SEMA6D: variants seen among roughly 807,000 people sequenced by gnomAD.
The protein encoded by SEMA6D is semaphorin-6D.
In SEMA6D, 35 loss-of-function variants were observed where a neutral mutation model predicts 106.6. That is an observed-to-expected ratio of 0.33 (90% CI 0.25 to 0.44). SEMA6D has a LOEUF of 0.44. Ranked by LOEUF, SEMA6D falls within the 20% of genes least tolerant of loss-of-function variation. The pLI, the probability that SEMA6D is intolerant of heterozygous loss-of-function variation, is 1.00. For missense variants in SEMA6D, 1,185 were observed against 1,345.9 expected, an observed-to-expected ratio of 0.88 and a Z score of 1.87; for synonymous variants, 499 against 487.7, an observed-to-expected ratio of 1.02 and a Z score of -0.31.
chr15:47,410,990 A>T (rs2040775073), intron 1 of SEMA6D, among the ~76,000 whole-genome samples: 1 of 151,916 alleles, frequency 6.6e-6, no homozygotes, highest in Admixed American at 6.6e-5. Context: ...ATACAAGGAG[A>T]TGAGTGGCTG....
intron 3 of SEMA6D, among the ~76,000 whole-genome samples, chr15:47,537,836 T>C (rs1566868459): frequency 6.6e-6 from 1 of 152,182 alleles, no homozygotes; most frequent in Non-Finnish European, 1.5e-5. Context: ...GGAATGGGAA[T>C]GCTGGGCTAG....
chr15:47,563,357 TA>T (rs1231076859), intron 3 of SEMA6D, among the ~76,000 whole-genome samples: 50 of 152,346 alleles, frequency 3.3e-4, no homozygotes, highest in Middle Eastern at 3.4e-3. Flanking sequence ...TTTGAAGAGT[TA>T]GGGGTATAAA....
chr15:47,766,940 C>A, intron 16 of SEMA6D, 97 bp from the exon 17 acceptor site: 1 of 593,700 alleles, frequency 1.7e-6, no homozygotes, highest in Non-Finnish European at 2.8e-6. Flanking sequence ...AATTTATAGT[C>A]TTTTTTTTTT....
intron 1 of SEMA6D, among the ~76,000 whole-genome samples, chr15:47,746,984 GTATATA>G (rs3985864): frequency 2.5e-5 from 3 of 122,108 alleles, no homozygotes; most frequent in South Asian, 2.8e-4. Flanking sequence ...GTGTGTGTGT[GTATATA>G]TATATATATA....
rs2082701259 is a variant in SEMA6D, at chr15:47,773,070, C to G, written c.*1285C>G. 1 of 152,500 alleles carries G rather than the reference C, an allele frequency of 6.6e-6. No homozygotes were observed. Among genetic ancestry groups the G allele is most frequent in the South Asian group, 2.1e-4 (1 of 4,812 alleles). The allele number at this position is 152,500 out of a possible 1,614,324, so 9.4% of individuals were successfully genotyped here. The stretch of plus-strand genomic sequence containing the variant: ...ACATGTGAGTTTACCTGAATCTGTG[C>G]ATTTTGTGCCTTATTCATGAGAATG... On this transcript the variant is annotated 3_prime_UTR_variant, in exon 19 of 19. Transcript: ENST00000536845.
At chr15:47,507,519 C>G (rs895396288) in intron 3 of SEMA6D, among the ~76,000 whole-genome samples, 1 of 152,176 alleles carries the variant, frequency 6.6e-6, no homozygotes, top group Non-Finnish European at 1.5e-5. Flanking sequence ...GTGTTGTTCT[C>G]AGGCATGCCT....
rs530050544 is a variant in SEMA6D, at chr15:47,728,152, C to A, written c.-55+10460C>A. 5.9e-5 allele frequency among the ~76,000 whole-genome samples: 9 copies of A among 152,326 alleles called. No homozygotes were observed. In the South Asian group the frequency reaches 1.7e-3, roughly 28 times the overall value. On this transcript the variant is annotated intron_variant, in intron 1 of 18. Transcript: ENST00000536845. ...TGGAAGCAGATGCCCTGTACTCCAGCCCTGGCCAACAGAATGAGCTTCTGA... is the reference window on the plus strand; with the variant it reads ...TGGAAGCAGATGCCCTGTACTCCAGACCTGGCCAACAGAATGAGCTTCTGA...
upstream of SEMA6D, among the ~76,000 whole-genome samples, chr15:47,714,028 C>T (rs1329931806): frequency 6.6e-6 from 1 of 152,208 alleles, no homozygotes; most frequent in African/African-American, 2.4e-5. Context: ...TTACCACATT[C>T]TGTTTTTATA....
chr15:47,738,583 C>G (rs1304102358), intron 1 of SEMA6D, among the ~76,000 whole-genome samples: 1 of 151,236 alleles, frequency 6.6e-6, no homozygotes, highest in African/African-American at 2.5e-5. Flanking sequence ...ACCAAAGACT[C>G]TCTGTTTCTC....
At chr15:47,403,656 A>G (rs750324414) in intron 1 of SEMA6D, among the ~76,000 whole-genome samples, 1 of 152,176 alleles carries the variant, frequency 6.6e-6, no homozygotes, top group Non-Finnish European at 1.5e-5. Flanking sequence ...TTTGTCTTGA[A>G]TGATGTGTAG....
rs71118191 is a variant in SEMA6D, at chr15:47,657,719, C to CT, written c.-55+56863dup. ...CATTTAGTGACAGAGGGCTTCATTT[C>CT]TTTTTTTTTTTTTTTTTTTTTTTTT... On this transcript the variant is annotated intron_variant, in intron 4 of 19. Transcript: ENST00000558014. Among the ~76,000 whole-genome samples the CT allele has an allele frequency of 3.8e-4, 21 of 54,680 alleles. 7 individuals carry two copies. Among genetic ancestry groups the CT allele is most frequent in the African/African-American group, 1.0e-3 (12 of 11,750 alleles). The allele number at this position is 54,680 out of a possible 152,430, so 35.9% of individuals were successfully genotyped here. A position where few individuals can be genotyped will look rare whatever the true frequency, so the allele number is the denominator to read the frequency against.
At chr15:47,351,207 A>G (rs2038313008) in intron 1 of SEMA6D, among the ~76,000 whole-genome samples, 1 of 152,108 alleles carries the variant, frequency 6.6e-6, no homozygotes, top group African/African-American at 2.4e-5. Flanking sequence ...GGTCAATTCA[A>G]ATGTCAAAAT....
intron 3 of SEMA6D, among the ~76,000 whole-genome samples, chr15:47,512,090 G>A (rs1045390764): frequency 5.9e-5 from 9 of 152,142 alleles, no homozygotes; most frequent in African/African-American, 1.2e-4. Flanking sequence ...ATCCGCACAC[G>A]TAAATGCTGA....
upstream of SEMA6D, chr15:47,717,060 T>G (rs2079137012): frequency 6.6e-6 from 1 of 152,190 alleles, no homozygotes; most frequent in Non-Finnish European, 1.5e-5. Context: ...ATTTGTCCTC[T>G]GGGTTCTGGA....
At chr15:47,500,578 A>G (rs978070201) in intron 3 of SEMA6D, among the ~76,000 whole-genome samples, 2 of 152,166 alleles carry the variant, frequency 1.3e-5, no homozygotes, top group African/African-American at 2.4e-5. Flanking sequence ...TATTTTACTC[A>G]TTTAGCAGTT....
chr15:47,480,607 C>A (rs530102277), intron 3 of SEMA6D, among the ~76,000 whole-genome samples: 1 of 152,104 alleles, frequency 6.6e-6, no homozygotes, highest in Non-Finnish European at 1.5e-5. Flanking sequence ...AGATCTACCT[C>A]ACATGTCACA....
intron 4 of SEMA6D, among the ~76,000 whole-genome samples, chr15:47,678,519 T>G (rs546897437): frequency 5.9e-5 from 9 of 152,324 alleles, no homozygotes; most frequent in African/African-American, 2.2e-4. Context: ...TTCTAAATAC[T>G]ATTCTTTGCA....
intron 1 of SEMA6D, among the ~76,000 whole-genome samples, chr15:47,390,797 A>AT (rs2040002745): frequency 2.0e-5 from 3 of 152,082 alleles, no homozygotes; most frequent in Non-Finnish European, 2.9e-5. Flanking sequence ...AGTTTGTTAT[A>AT]TTTTTTTACT....
intron 1 of SEMA6D, among the ~76,000 whole-genome samples, chr15:47,307,378 A>T (rs2036271582): frequency 6.6e-6 from 1 of 152,218 alleles, no homozygotes; most frequent in African/African-American, 2.4e-5. Context: ...GAACCTGGAA[A>T]AAGATTAAAA....
Sources: gnomAD v4.1 joint callset for allele counts (sites outside exome capture counted in the v4.1 genomes callset) on GRCh38, gnomAD v4.1.1 for gene constraint, MANE v1.5 for transcripts, NCBI Gene and HGNC (gene_info 2026-07-23, HGNC 2026-07-21) for gene names.